Variants in DLG2 observed in about 807,000 individuals in gnomAD.
DLG2 encodes the protein discs large MAGUK scaffold protein 2, also known as disks large homolog 2.
Under a neutral mutation model 132.5 loss-of-function variants are expected in DLG2, and 45 were observed. That is an observed-to-expected ratio of 0.34 (90% confidence interval 0.27 to 0.44). The LOEUF (loss-of-function observed/expected upper bound fraction) is 0.44, where lower values mean the gene tolerates loss of function less well. Ranked by LOEUF, DLG2 falls within the 20% of genes least tolerant of loss-of-function variation. DLG2 has a pLI of 1.00. For synonymous variants in DLG2, 424 were observed against 419.6 expected, an observed-to-expected ratio of 1.01 and a Z score of -0.13; for missense variants, 1,045 against 1,196.9, an observed-to-expected ratio of 0.87 and a Z score of 1.87.
chr11:83,852,451 G>GA (rs2059937823), intron 16 of DLG2, among the ~76,000 whole-genome samples: 1 of 152,140 alleles, frequency 6.6e-6, no homozygotes, highest in African/African-American at 2.4e-5. Flanking sequence ...CTCATTAATA[G>GA]AATTTCAGAA....
chr11:84,457,522 T>G (rs1312662528), intron 7 of DLG2, among the ~76,000 whole-genome samples: 1 of 151,092 alleles, frequency 6.6e-6, no homozygotes, highest in African/African-American at 2.4e-5. Flanking sequence ...GACACTAAAA[T>G]GCTATTGCCT....
chr11:85,203,302 AAGAGAAGAGCCATATAAACAAAATG>A (rs1565152639), intron 4 of DLG2, among the ~76,000 whole-genome samples: 2 of 151,958 alleles, frequency 1.3e-5, no homozygotes, highest in African/African-American at 4.8e-5. Context: ...AAGACAAAAA[AAGAGAAGAGCCATATAAACAAAATG>A]AGAGAAGAGC....
intron 5 of DLG2, among the ~76,000 whole-genome samples, chr11:85,128,032 A>G (rs1423937546): frequency 6.6e-6 from 1 of 152,126 alleles, no homozygotes; most frequent in African/African-American, 2.4e-5. Flanking sequence ...ATATTTACAA[A>G]ACAGATGTAG....
chr11:84,383,694 C>A (rs988600916), intron 7 of DLG2, among the ~76,000 whole-genome samples: 13 of 152,028 alleles, frequency 8.6e-5, no homozygotes, highest in Admixed American at 3.9e-4. Flanking sequence ...GCCATACCCC[C>A]ACAAGGAAAT....
At chr11:85,473,058 G>A (rs1032574495) in intron 3 of DLG2, among the ~76,000 whole-genome samples, 8 of 152,192 alleles carry the variant, frequency 5.3e-5, no homozygotes, top group South Asian at 4.1e-4. Flanking sequence ...GTCTAGACAC[G>A]GGCGTCTAAG....
At chr11:85,396,177 G>A (rs192421966) in intron 3 of DLG2, among the ~76,000 whole-genome samples, 150 of 152,268 alleles carry the variant, frequency 9.9e-4, no homozygotes, top group African/African-American at 3.4e-3. Flanking sequence ...TGCAGCTGAG[G>A]GGTCTGACTG....
intron 6 of DLG2, among the ~76,000 whole-genome samples, chr11:84,679,152 T>C (rs2153704130): frequency 6.8e-6 from 1 of 147,514 alleles, no homozygotes; most frequent in East Asian, 1.9e-4. Flanking sequence ...TAATAGTTGC[T>C]AAATAAAAGA....
At chr11:84,353,334 A>C (rs996340887) in intron 7 of DLG2, among the ~76,000 whole-genome samples, 1 of 152,114 alleles carries the variant, frequency 6.6e-6, no homozygotes, top group Non-Finnish European at 1.5e-5. Context: ...TCTTCCACCT[A>C]AACTTGGACT....
intron 9 of DLG2, among the ~76,000 whole-genome samples, chr11:84,103,899 T>C (rs760543306): frequency 6.6e-6 from 1 of 152,136 alleles, no homozygotes; most frequent in Non-Finnish European, 1.5e-5. Flanking sequence ...ACAATGATTT[T>C]TTTTTGATTT....
chr11:83,783,580 C>A (rs1189981900), intron 18 of DLG2, among the ~76,000 whole-genome samples: 1 of 152,110 alleles, frequency 6.6e-6, no homozygotes, highest in African/African-American at 2.4e-5. Flanking sequence ...GAATGGTAGG[C>A]TTTTATCCAC....
chr11:84,480,314 T>A (rs993581760), intron 7 of DLG2, among the ~76,000 whole-genome samples: 2 of 151,976 alleles, frequency 1.3e-5, no homozygotes, highest in African/African-American at 4.8e-5. Flanking sequence ...TCATGAGAGG[T>A]GTCAGTATGT....
At chr11:85,240,741 T>C (rs564606453) in intron 4 of DLG2, among the ~76,000 whole-genome samples, 5 of 151,968 alleles carry the variant, frequency 3.3e-5, no homozygotes, top group African/African-American at 1.2e-4. Context: ...AAGTTACCTT[T>C]CATTCTTGGT....
chr11:85,311,612 T>C (rs775000024), intron 3 of DLG2, among the ~76,000 whole-genome samples: 13 of 151,884 alleles, frequency 8.6e-5, no homozygotes, highest in Non-Finnish European at 1.9e-4. Context: ...CATCATTGAA[T>C]AGCTCGAAAT....
At chr11:84,124,547 G>C (rs938196247) in intron 9 of DLG2, among the ~76,000 whole-genome samples, 2 of 152,168 alleles carry the variant, frequency 1.3e-5, no homozygotes, top group Non-Finnish European at 2.9e-5. Context: ...AAAGGTTTCT[G>C]TCATGATAGA....
chr11:84,869,088 C>T (rs2085073453), intron 6 of DLG2, among the ~76,000 whole-genome samples: 1 of 152,138 alleles, frequency 6.6e-6, no homozygotes, highest in Admixed American at 6.5e-5. Flanking sequence ...TCCTACTTGC[C>T]TATTTGTTAC....
rs76463124 is a variant in DLG2 at position 85,222,700 on chromosome 11, C to T, written c.186+62520G>A. The stretch of plus-strand genomic sequence containing the variant: ...TTTTAACTACTCTGCTATGTTTGTT[C>T]TTGAGATAGAAAATAAATAAATACA... On this transcript the variant is annotated intron_variant, in intron 4 of 27. Transcript: ENST00000376104. Among the ~76,000 whole-genome samples, 621 of 152,256 alleles carry T rather than the reference C, an allele frequency of 4.1e-3. 4 individuals carry two copies. Among genetic ancestry groups the T allele is most frequent in the African/African-American group, 0.013 (559 of 41,540 alleles).
chr11:84,477,374 A>G (rs2099124628), intron 7 of DLG2, among the ~76,000 whole-genome samples: 1 of 152,046 alleles, frequency 6.6e-6, no homozygotes, highest in African/African-American at 2.4e-5. Context: ...ACATGCCTGT[A>G]ATCCCAGCTA....
intron 18 of DLG2, among the ~76,000 whole-genome samples, chr11:83,770,729 T>C (rs1388612633): frequency 6.6e-6 from 1 of 152,236 alleles, no homozygotes; most frequent in Non-Finnish European, 1.5e-5. Context: ...TCAGGCTTTC[T>C]GTAAAATTTT....
chr11:85,238,388 C>A (rs970008408), intron 4 of DLG2, among the ~76,000 whole-genome samples: 1 of 151,634 alleles, frequency 6.6e-6, no homozygotes, highest in Non-Finnish European at 1.5e-5. Flanking sequence ...GGACTACAGG[C>A]GTGCACCACC....
Sources: allele counts gnomAD v4.1 joint callset (sites outside exome capture counted in the v4.1 genomes callset), GRCh38; gene constraint gnomAD v4.1.1; transcripts MANE v1.5; gene names NCBI Gene and HGNC (gene_info 2026-07-23, HGNC 2026-07-21).